Variants in SHCBP1L observed in about 807,000 individuals in gnomAD.
SHCBP1L encodes the protein testicular spindle-associated protein SHCBP1L.
Under a neutral mutation model 62.5 loss-of-function variants are expected in SHCBP1L, and 67 were observed. The observed-to-expected ratio is 1.07, with a 90% CI of 0.88 to 1.31. The LOEUF (loss-of-function observed/expected upper bound fraction) is 1.31. Ranked by LOEUF, SHCBP1L falls within the 40% of genes most tolerant of loss-of-function variation. The probability of loss-of-function intolerance (pLI) is 0.00; values close to 1 mark genes in which losing one functional copy is unlikely to be tolerated. For missense variants in SHCBP1L, 823 were observed against 809.8 expected, an observed-to-expected ratio of 1.02 and a Z score of -0.20; for synonymous variants, 284 against 289.4, an observed-to-expected ratio of 0.98 and a Z score of 0.19.
intron 6 of SHCBP1L, among the ~76,000 whole-genome samples, chr1:182,909,614 AT>A (rs1201630585): frequency 6.6e-6 from 1 of 152,196 alleles, no homozygotes; most frequent in Non-Finnish European, 1.5e-5. Flanking sequence ...AAAATACAGT[AT>A]TTGCAGGATG....
chr1:182,951,828 A>T (rs1344839233), intron 1 of SHCBP1L: 5 of 260,108 alleles, frequency 1.9e-5, no homozygotes, highest in Non-Finnish European at 3.9e-5. Flanking sequence ...TATTTGCTCT[A>T]TTCCGTTTTA....
chr1:182,951,133 G>A (rs994057046), intron 2 of SHCBP1L, among the ~76,000 whole-genome samples, 185 bp downstream of exon 2: 1 of 152,112 alleles, frequency 6.6e-6, no homozygotes, highest in African/African-American at 2.4e-5. Context: ...TCCATTTAAT[G>A]ATAATGGTTT....
chr1:182,906,628 C>T (rs980123107), intron 6 of SHCBP1L, among the ~76,000 whole-genome samples: 8 of 151,594 alleles, frequency 5.3e-5, no homozygotes, highest in Middle Eastern at 3.4e-3. Context: ...GACAGGGTTT[C>T]GCCATGTTAG....
chr1:182,903,015 C>T (rs1342799319), intron 9 of SHCBP1L, 24 bp downstream of exon 9: 1 of 1,543,944 alleles, frequency 6.5e-7, no homozygotes, highest in Non-Finnish European at 8.7e-7. Context: ...TATAACAATG[C>T]TACATCAAGA....
chr1:182,925,070 G>GGGAAGGAAA (rs755423521), intron 6 of SHCBP1L, among the ~76,000 whole-genome samples: 3,659 of 146,820 alleles, frequency 0.025, 124 homozygotes, highest in African/African-American at 0.067. Context: ...AGGGAAGGAA[G>GGGAAGGAAA]GGAAGGAAAG....
Position 182,900,052 on chromosome 1 carries a change from C to T in SHCBP1L, c.1893G>A (p.Leu631=), listed in dbSNP as rs918156026. Residue 631 remains leucine (L), a synonymous_variant, in exon 10 of 10, where the codon CTG becomes CTA. Transcript: ENST00000367547. ...TCTTATTATTATTCATTTCCAGATT[C>T]AGATTTTGCATTACTTTGAAGAGCA... The part of the protein sequence containing the change: ...DKMLFKVMQN[L]NLEMNNNKIE... 5 of 1,613,146 alleles carry T rather than the reference C, an allele frequency of 3.1e-6. No individual in the cohort carries two copies. The highest frequency in any genetic ancestry group is 2.5e-6 in the Non-Finnish European group (3 of 1,179,508).
intron 6 of SHCBP1L, among the ~76,000 whole-genome samples, chr1:182,927,069 TA>T (rs1650780829): frequency 4.3e-4 from 1 of 2,328 alleles, no homozygotes; most frequent in African/African-American, 1.3e-3. Flanking sequence ...TATATATATA[TA>T]TATATATATA....
intron 1 of SHCBP1L, 53 bp from the exon 2 acceptor site, chr1:182,951,520 A>T (rs896289329): frequency 1.5e-6 from 2 of 1,292,714 alleles, no homozygotes; most frequent in African/African-American, 3.0e-5. Context: ...TATAGATTTT[A>T]AACTAAGTGG....
intron 6 of SHCBP1L, among the ~76,000 whole-genome samples, chr1:182,907,571 A>C (rs190031438): frequency 0.012 from 1,754 of 150,668 alleles, 31 homozygotes; most frequent in African/African-American, 0.039. Context: ...TCTTATTATT[A>C]TTATTATTAT....
At chr1:182,943,711 G>A (rs1651455205) in intron 2 of SHCBP1L, among the ~76,000 whole-genome samples, 1 of 150,944 alleles carries the variant, frequency 6.6e-6, no homozygotes, top group East Asian at 2.0e-4. Context: ...GCCTCCCAAA[G>A]TACTGGGATT....
chr1:182,953,099 TCCGCGGGCACCGAGGCCTTGGAGC>T lies in SHCBP1L; in HGVS notation c.11_34del (p.Gly4_Ala11del), dbSNP rs1447649049. 2 of 1,570,692 alleles carry T rather than the reference TCCGCGGGCACCGAGGCCTTGGAGC, an allele frequency of 1.3e-6. No homozygotes were observed. Among genetic ancestry groups the T allele is most frequent in the Non-Finnish European group, 1.7e-6 (2 of 1,166,336 alleles). ...GTCCGGGCTGATGGTGCGGAATGAG[TCCGCGGGCACCGAGGCCTTGGAGC>T]CCGACGCCATCTCCTCAGCAGCCCG... On this transcript the variant is annotated inframe_deletion, in exon 1 of 10. Transcript: ENST00000367547.
chr1:182,934,899 C>T (rs1651117433), intron 5 of SHCBP1L, among the ~76,000 whole-genome samples: 1 of 152,082 alleles, frequency 6.6e-6, no homozygotes, highest in African/African-American at 2.4e-5. Context: ...ATTCCAGCAC[C>T]ATTTGTTGAA....
intron 6 of SHCBP1L, among the ~76,000 whole-genome samples, chr1:182,908,815 A>C (rs1650093670): frequency 6.6e-6 from 1 of 152,184 alleles, no homozygotes; most frequent in Non-Finnish European, 1.5e-5. Flanking sequence ...CTCTCCAGAA[A>C]AGCTTAATCA....
chr1:182,949,267 A>G (rs924484400), intron 2 of SHCBP1L, among the ~76,000 whole-genome samples: 8 of 144,534 alleles, frequency 5.5e-5, no homozygotes, highest in African/African-American at 2.3e-4. Context: ...AAAAAAACCC[A>G]CAAACTTATA....
chr1:182,952,826 G>A lies in SHCBP1L; in HGVS notation c.308C>T (p.Ala103Val), dbSNP rs184524719. Residue 103 changes from alanine to valine, a missense_variant, in exon 1 of 10, where the codon GCG (alanine) becomes GTG (valine). Ala to Val is a moderately conservative substitution (Grantham distance 64, BLOSUM62 0). Transcript: ENST00000367547. ...LLPVPEDEEEAQPLPPVCVSR... is the reference protein window; with the variant it reads ...LLPVPEDEEEVQPLPPVCVSR... ...CACGCAGACTGGGGGCAGGGGCTGCGCCTCCTCTTCATCCTCAGGCACTGG... is the reference window on the plus strand; with the variant it reads ...CACGCAGACTGGGGGCAGGGGCTGCACCTCCTCTTCATCCTCAGGCACTGG... 140 of 1,612,184 alleles carry A rather than the reference G, an allele frequency of 8.7e-5. 1 individual carries two copies. In the Admixed American group the frequency reaches 1.5e-3, roughly 17 times the overall value.
chr1:182,929,495 T>C, intron 6 of SHCBP1L, 152 bp downstream of exon 6: 1 of 470,430 alleles, frequency 2.1e-6, no homozygotes, highest in Non-Finnish European at 3.7e-6. Context: ...CATTTATTTA[T>C]TTAGTATCTA....
chr1:182,932,631 A>T (rs1041302506), intron 5 of SHCBP1L, among the ~76,000 whole-genome samples: 9 of 151,838 alleles, frequency 5.9e-5, no homozygotes, highest in Non-Finnish European at 1.3e-4. Flanking sequence ...AGTAGCTGGG[A>T]CAACTGGCCT....
intron 2 of SHCBP1L, among the ~76,000 whole-genome samples, chr1:182,945,887 C>T (rs1197496800): frequency 6.6e-5 from 10 of 151,902 alleles, no homozygotes; most frequent in African/African-American, 2.4e-4. Context: ...TAGTGAAACC[C>T]CATCTCTACT....
intron 6 of SHCBP1L, among the ~76,000 whole-genome samples, chr1:182,906,629 G>C (rs764264752): frequency 6.6e-6 from 1 of 151,084 alleles, no homozygotes; most frequent in African/African-American, 2.4e-5. Context: ...ACAGGGTTTC[G>C]CCATGTTAGC....
Sources: allele counts gnomAD v4.1 joint callset (sites outside exome capture counted in the v4.1 genomes callset), GRCh38; gene constraint gnomAD v4.1.1; transcripts MANE v1.5; gene names NCBI Gene and HGNC (gene_info 2026-07-23, HGNC 2026-07-21).